CUX1: variants seen among roughly 807,000 people sequenced by gnomAD.
The protein encoded by CUX1 is cut like homeobox 1.
In CUX1, 31 loss-of-function variants were observed where a neutral mutation model predicts 158.8. The observed-to-expected ratio is 0.20, with a 90% CI of 0.15 to 0.26. The LOEUF (loss-of-function observed/expected upper bound fraction) is 0.26. CUX1 is among the 10% of genes least tolerant of loss of function. The pLI is 1.00. For missense variants in CUX1, 1,589 were observed against 2,014.6 expected (o/e 0.79, Z 4.04); for synonymous variants, 879 against 862.1 (o/e 1.02, Z -0.34).
At chr7:102,132,997 C>T (rs1554497821) in intron 8 of CUX1, among the ~76,000 whole-genome samples, 1 of 152,120 alleles carries the variant, frequency 6.6e-6, no homozygotes, top group Non-Finnish European at 1.5e-5. Flanking sequence ...CTCTTGGTCT[C>T]ACTTCAAGAT....
At chr7:101,865,273 G>A (rs1347611036) in intron 1 of CUX1, among the ~76,000 whole-genome samples, 2 of 152,236 alleles carry the variant, frequency 1.3e-5, no homozygotes, top group Non-Finnish European at 2.9e-5. Context: ...AGCAGTTGCT[G>A]TTATTATAGA....
intron 16 of CUX1, among the ~76,000 whole-genome samples, chr7:102,199,532 G>C (rs73712437): frequency 1.3e-5 from 2 of 152,148 alleles, no homozygotes; most frequent in African/African-American, 4.8e-5. Flanking sequence ...TCCTTTCCTC[G>C]TATGTAAATT....
chr7:102,189,546 C>T (rs1278662284), intron 11 of CUX1, among the ~76,000 whole-genome samples: 1 of 152,202 alleles, frequency 6.6e-6, no homozygotes, highest in Non-Finnish European at 1.5e-5. Flanking sequence ...CAGGCGTGAG[C>T]CACCACACCC....
At chr7:101,817,270 C>T (rs892343583), upstream of CUX1, 1 of 984,792 alleles carries the variant, frequency 1.0e-6, no homozygotes, top group African/African-American at 1.7e-5. This position sits in a 1 kb window ranked among gnomAD's most constrained non-coding sequence, Gnocchi z 4.1. Flanking sequence ...CGGCGGCCCC[C>T]GGTGACCTGC....
At chr7:102,224,704 C>G (rs1292539021) in intron 20 of CUX1, among the ~76,000 whole-genome samples, 2 of 152,154 alleles carry the variant, frequency 1.3e-5, no homozygotes, top group African/African-American at 4.8e-5. Context: ...TGGCACAAAT[C>G]CACGCCACTG....
chr7:102,151,051 A>G (rs1835594988), intron 8 of CUX1, among the ~76,000 whole-genome samples: 1 of 152,238 alleles, frequency 6.6e-6, no homozygotes, highest in South Asian at 2.1e-4. Context: ...CTTCAGCATG[A>G]AGAGAATGAA....
intron 3 of CUX1, among the ~76,000 whole-genome samples, chr7:102,051,256 G>T (rs148878791): frequency 3.3e-5 from 5 of 151,618 alleles, no homozygotes; most frequent in African/African-American, 1.2e-4. Flanking sequence ...CTCCCACCAC[G>T]AATAAAGATG....
chr7:102,020,709 G>A (rs113512496), intron 2 of CUX1, among the ~76,000 whole-genome samples: 4 of 151,848 alleles, frequency 2.6e-5, no homozygotes, highest in South Asian at 2.1e-4. Context: ...GTGAAACCCC[G>A]TCTCTACTAA....
intron 2 of CUX1, among the ~76,000 whole-genome samples, chr7:101,947,206 A>G (rs750736656): frequency 1.4e-4 from 21 of 152,136 alleles, no homozygotes; most frequent in Non-Finnish European, 2.2e-4. Flanking sequence ...CCTTGGCAAC[A>G]TAGTGAGTGA....
At chr7:101,842,951 C>G (rs1396991966) in intron 1 of CUX1, among the ~76,000 whole-genome samples, 1 of 149,542 alleles carries the variant, frequency 6.7e-6, no homozygotes, top group Non-Finnish European at 1.5e-5. Flanking sequence ...CGGCTCACTC[C>G]ACCTCCCGGG....
At chr7:102,231,183 C>T (rs1183628183) in intron 21 of CUX1, among the ~76,000 whole-genome samples, 1 of 152,080 alleles carries the variant, frequency 6.6e-6, no homozygotes, top group Non-Finnish European at 1.5e-5. Context: ...GCGCCCACCA[C>T]CATGCCCGGC....
chr7:101,832,470 C>G (rs576762091), intron 1 of CUX1, among the ~76,000 whole-genome samples: 1 of 152,278 alleles, frequency 6.6e-6, no homozygotes, highest in South Asian at 2.1e-4. Context: ...CAGGGGCGGG[C>G]TTCGTGCAGA....
At chr7:101,954,813 T>G (rs1334640835) in intron 2 of CUX1, among the ~76,000 whole-genome samples, 3 of 152,176 alleles carry the variant, frequency 2.0e-5, no homozygotes, top group Admixed American at 2.0e-4. Context: ...CTCCATCTCC[T>G]TCCACTTTGC....
rs782664279 is a variant in CUX1, at chr7:102,204,519, G to C, written c.3036G>C (p.Gln1012His). Reference sequence around the variant, plus strand: ...TCTGGCTGAACGGCGAGCTAGGCCAGGGTGTTCTACCCGTCCAGGGCCAGC... The same window carrying C: ...TCTGGCTGAACGGCGAGCTAGGCCACGGTGTTCTACCCGTCCAGGGCCAGC... ...MQLWLNGELGQGVLPVQGQQQ... is the reference protein window; with the variant it reads ...MQLWLNGELGHGVLPVQGQQQ... The change falls in exon 19 of 24, where the codon CAG becomes CAC. Residue 1012 changes from glutamine (Q) to histidine (H), a missense_variant. Gln to His is a conservative substitution (Grantham distance 24). Coordinates refer to ENST00000292535, the MANE Select transcript of CUX1 (RefSeq NM_181552.4). 6.2e-7 allele frequency: 1 copy of C among 1,613,664 alleles called. No individual in the cohort carries two copies. Among genetic ancestry groups the C allele is most frequent in the South Asian group, 1.1e-5 (1 of 91,090 alleles).
chr7:102,135,274 A>G (rs1421508252), intron 8 of CUX1, among the ~76,000 whole-genome samples: 1 of 152,196 alleles, frequency 6.6e-6, no homozygotes, highest in Non-Finnish European at 1.5e-5. Flanking sequence ...TTCTTCCAAT[A>G]AAGTAAGGCA....
At chr7:102,028,179 AC>A in intron 3 of CUX1, 34 bp downstream of exon 3, 2 of 1,610,092 alleles carry the variant, frequency 1.2e-6, no homozygotes, top group South Asian at 2.2e-5. Flanking sequence ...ATCCTGAGCC[AC>A]CCTTCGTGGC....
At chr7:102,133,115 C>T (rs1833508775) in intron 8 of CUX1, among the ~76,000 whole-genome samples, 1 of 152,152 alleles carries the variant, frequency 6.6e-6, no homozygotes, top group Admixed American at 6.6e-5. Flanking sequence ...TAAAACCTGT[C>T]CCACTTAAAA....
intron 18 of CUX1, 96 bp from the exon 19 acceptor site, chr7:102,204,295 C>G: frequency 6.7e-7 from 1 of 1,494,874 alleles, no homozygotes; most frequent in Non-Finnish European, 9.1e-7. Flanking sequence ...CAGCCCTAGA[C>G]GCGCCCTCTG....
At chr7:101,892,587 T>C (rs1279322363) in intron 1 of CUX1, among the ~76,000 whole-genome samples, 3 of 152,226 alleles carry the variant, frequency 2.0e-5, no homozygotes, top group Admixed American at 6.5e-5. Context: ...AGAATGTGAC[T>C]GTTTAATTGA....
Sources: allele counts gnomAD v4.1 joint callset (sites outside exome capture counted in the v4.1 genomes callset), GRCh38; gene constraint gnomAD v4.1.1; non-coding constraint Gnocchi (gnomAD v3.1); transcripts MANE v1.5; gene names NCBI Gene and HGNC (gene_info 2026-07-23, HGNC 2026-07-21).